PLPP3: variants seen among roughly 807,000 people sequenced by gnomAD.
The protein encoded by PLPP3 is PAP2 beta.
PLPP3 carries 6 observed loss-of-function variants against 29.6 expected under a neutral mutation model. That is an observed-to-expected ratio of 0.20 (90% CI 0.11 to 0.40). PLPP3 has a LOEUF of 0.40. Among genes scored for constraint, PLPP3 ranks in the 10% least tolerant of loss-of-function variants. The probability of loss-of-function intolerance (pLI) is 1.00; values close to 1 mark genes in which losing one functional copy is unlikely to be tolerated. For synonymous variants in PLPP3, 152 were observed against 159.7 expected, an observed-to-expected ratio of 0.95 and a Z score of 0.36; for missense variants, 308 against 407.7, an observed-to-expected ratio of 0.76 and a Z score of 2.11.
At chr1:56,541,964 A>T (rs1645972563) in intron 1 of PLPP3, among the ~76,000 whole-genome samples, 1 of 106,650 alleles carries the variant, frequency 9.4e-6, no homozygotes, top group Non-Finnish European at 1.9e-5. Flanking sequence ...GCAAAGCATG[A>T]CCAAAAAAAA....
chr1:56,497,805 T>C (rs983607019), intron 5 of PLPP3, among the ~76,000 whole-genome samples: 4 of 152,200 alleles, frequency 2.6e-5, no homozygotes, highest in Non-Finnish European at 5.9e-5. Context: ...GGACTTGAAT[T>C]ATTTGTTAAA....
chr1:56,501,970 A>G (rs2100221017), intron 5 of PLPP3, among the ~76,000 whole-genome samples: 1 of 152,330 alleles, frequency 6.6e-6, no homozygotes, highest in Middle Eastern at 3.4e-3. Context: ...TCAAAGAGGA[A>G]GATGCTTCCG....
chr1:56,518,715 T>TTACATATATATATATATATATATATATA (rs1553136508), intron 4 of PLPP3, among the ~76,000 whole-genome samples: 45 of 126,682 alleles, frequency 3.6e-4, no homozygotes, highest in African/African-American at 1.2e-3. Flanking sequence ...TTTTAATCAT[T>TTACATATATATATATATATATATATATA]TATATATATA....
At chr1:56,498,073 A>T (rs1360301875) in intron 5 of PLPP3, among the ~76,000 whole-genome samples, 2 of 152,190 alleles carry the variant, frequency 1.3e-5, no homozygotes, top group African/African-American at 2.4e-5. Flanking sequence ...GGCTATTTCT[A>T]TGCTACTACA....
rs765501405 is a variant in PLPP3 at position 56,511,977 on chromosome 1, A to G, written c.809T>C (p.Ile270Thr). ...FAQGALVACC[I>T]VFFVSDLFKT... ...TATTGAGGACAAGATGCTACTTACT[A>G]TGCAGCAGGCCACCAGGGCTCCTTG... is the stretch of plus-strand genomic sequence containing the variant. Residue 270 changes from isoleucine to threonine, a missense_variant and splice_region_variant, in exon 5 of 6, where the codon ATA becomes ACA. This residue lies in a region of PLPP3 where 232 missense variants were observed against 317.2 expected (regional missense o/e 0.73). Transcript: ENST00000371250. The G allele has an allele frequency of 1.9e-6, 3 of 1,613,422 alleles. No individual in the cohort carries two copies. Among genetic ancestry groups the G allele is most frequent in the South Asian group, 2.2e-5 (2 of 90,954 alleles).
intron 1 of PLPP3, among the ~76,000 whole-genome samples, chr1:56,577,925 TA>T (rs35749896): frequency 0.011 from 1,570 of 145,660 alleles, 15 homozygotes; most frequent in African/African-American, 0.023. Flanking sequence ...TGATTCGCTT[TA>T]AAAAAAAAAA....
At chr1:56,520,994 G>T (rs1645815697) in intron 4 of PLPP3, among the ~76,000 whole-genome samples, 1 of 151,112 alleles carries the variant, frequency 6.6e-6, no homozygotes, top group East Asian at 1.9e-4. Flanking sequence ...AGCACTTTGG[G>T]AGGCCAAGGT....
At chr1:56,549,162 C>T (rs369729518) in intron 1 of PLPP3, among the ~76,000 whole-genome samples, 2 of 152,348 alleles carry the variant, frequency 1.3e-5, no homozygotes, top group Admixed American at 6.5e-5. Context: ...CTACTTTAGT[C>T]ATCACTAGGA....
chr1:56,509,565 C>T (rs963672845), intron 5 of PLPP3, among the ~76,000 whole-genome samples: 1 of 152,118 alleles, frequency 6.6e-6, no homozygotes, highest in Non-Finnish European at 1.5e-5. Flanking sequence ...GGCAGCTGGG[C>T]ACAGTGGCTC....
chr1:56,537,938 T>A (rs1040679093), intron 1 of PLPP3, among the ~76,000 whole-genome samples: 1 of 152,116 alleles, frequency 6.6e-6, no homozygotes. Flanking sequence ...ATGGATTCCA[T>A]CACCTGCCAA....
intron 5 of PLPP3, among the ~76,000 whole-genome samples, chr1:56,501,887 T>C (rs1446717943): frequency 2.0e-5 from 3 of 152,242 alleles, no homozygotes; most frequent in African/African-American, 7.2e-5. Flanking sequence ...GGGAGTTTTC[T>C]ATAGGACAAA....
chr1:56,560,912 A>G, intron 1 of PLPP3, among the ~76,000 whole-genome samples: 1 of 124,760 alleles, frequency 8.0e-6, no homozygotes, highest in Non-Finnish European at 1.6e-5. Context: ...ATCTCGGCCC[A>G]CTGCAAGCTC....
intron 1 of PLPP3, among the ~76,000 whole-genome samples, chr1:56,559,439 A>T (rs1431001952): frequency 1.3e-5 from 2 of 151,878 alleles, no homozygotes; most frequent in African/African-American, 2.4e-5. Flanking sequence ...TTTTTAAGAG[A>T]CTAGGTCTCA....
At chr1:56,561,746 C>CT (rs34924631) in intron 1 of PLPP3, among the ~76,000 whole-genome samples, 2 of 152,020 alleles carry the variant, frequency 1.3e-5, no homozygotes, top group Non-Finnish European at 2.9e-5. Context: ...TAAGTAGCTT[C>CT]TTTTTTGGCT....
intron 1 of PLPP3, among the ~76,000 whole-genome samples, chr1:56,555,442 A>C (rs1646068977): frequency 6.8e-6 from 1 of 147,348 alleles, no homozygotes; most frequent in Admixed American, 6.7e-5. Flanking sequence ...CTAAAAAAAA[A>C]AAAAAAAAAA....
chr1:56,527,175 G>A (rs929352932), intron 2 of PLPP3, among the ~76,000 whole-genome samples: 3 of 152,140 alleles, frequency 2.0e-5, no homozygotes, highest in African/African-American at 7.2e-5. Context: ...TCCATTTTTA[G>A]TGTCACAGTC....
intron 5 of PLPP3, among the ~76,000 whole-genome samples, chr1:56,509,229 T>A (rs1338722902): frequency 6.6e-6 from 1 of 152,160 alleles, no homozygotes; most frequent in Non-Finnish European, 1.5e-5. Flanking sequence ...TTCCAAACCA[T>A]CTTTACATTG....
intron 1 of PLPP3, among the ~76,000 whole-genome samples, chr1:56,560,095 C>T (rs576182061): frequency 1.3e-5 from 2 of 152,276 alleles, no homozygotes; most frequent in Admixed American, 1.3e-4. Flanking sequence ...ACTCGGCTAC[C>T]TCTATACAGA....
At chr1:56,543,632 C>T (rs542400139) in intron 1 of PLPP3, among the ~76,000 whole-genome samples, 26 of 152,252 alleles carry the variant, frequency 1.7e-4, no homozygotes, top group African/African-American at 5.3e-4. Context: ...CTTTGGTTTA[C>T]GATATTTGTC....
Sources: allele counts gnomAD v4.1 joint callset (sites outside exome capture counted in the v4.1 genomes callset), GRCh38; gene constraint gnomAD v4.1.1; regional missense constraint gnomAD v4.1.1; transcripts MANE v1.5; gene names NCBI Gene and HGNC (gene_info 2026-07-23, HGNC 2026-07-21).